Variants in CDH19 observed in about 807,000 individuals in gnomAD.
The protein encoded by CDH19 is cadherin 19.
Under a neutral mutation model 64.2 loss-of-function variants are expected in CDH19, and 67 were observed. That is an observed-to-expected ratio of 1.04 (90% CI 0.86 to 1.28). The LOEUF is 1.28. CDH19 is among the 50% of genes most tolerant of loss of function. CDH19 has a pLI of 0.00. For synonymous variants in CDH19, 346 were observed against 319.3 expected (o/e 1.08, Z -0.89); for missense variants, 1,030 against 929.0 (o/e 1.11, Z -1.41).
intron 3 of CDH19, among the ~76,000 whole-genome samples, chr18:66,557,908 G>A (rs1987578194): frequency 6.6e-6 from 1 of 151,658 alleles, no homozygotes; most frequent in South Asian, 2.1e-4. Context: ...TCATGAAGGG[G>A]TTCCCTATAT....
chr18:66,510,840 C>A (rs985872877), intron 10 of CDH19, among the ~76,000 whole-genome samples: 1 of 151,490 alleles, frequency 6.6e-6, no homozygotes, highest in Non-Finnish European at 1.5e-5. Context: ...CAAAGCTTAA[C>A]CTCAGCTGTA....
In CDH19 at chr18:66,572,276, T is replaced by G; in HGVS notation, c.-72A>C. On this transcript the variant is annotated 5_prime_UTR_variant, in exon 2 of 12. Transcript: ENST00000262150. ...GACGTCACTAACAAAAATCTTGCTT[T>G]CTTTTATAATCTTTTCTGATTCTGT... 2 of 1,157,602 alleles carry G rather than the reference T, an allele frequency of 1.7e-6. No homozygotes were observed. The highest frequency in any genetic ancestry group is 4.8e-5 in the East Asian group (2 of 41,378). 71.7% of individuals were successfully genotyped at this position (1,157,602 alleles called of 1,614,324 possible). A position where few individuals can be genotyped will look rare whatever the true frequency, so the allele number is the denominator to read the frequency against.
chr18:66,539,775 C>T (rs1291051265), intron 7 of CDH19, among the ~76,000 whole-genome samples: 1 of 150,812 alleles, frequency 6.6e-6, no homozygotes, highest in African/African-American at 2.5e-5. Flanking sequence ...TTTACTGGAA[C>T]TGCTCTTTTT....
intron 7 of CDH19, among the ~76,000 whole-genome samples, chr18:66,535,943 A>T (rs1253269999): frequency 6.8e-6 from 1 of 146,646 alleles, no homozygotes; most frequent in Non-Finnish European, 1.5e-5. Flanking sequence ...ATATATACAC[A>T]CATATAAAAC....
intron 1 of CDH19, among the ~76,000 whole-genome samples, chr18:66,574,987 G>C (rs1798903314): frequency 6.6e-6 from 1 of 151,796 alleles, no homozygotes; most frequent in African/African-American, 2.4e-5. Flanking sequence ...AAACTGAGCT[G>C]TCAGGTATTG....
chr18:66,560,637 T>C (rs754740922), intron 3 of CDH19, among the ~76,000 whole-genome samples: 6 of 152,048 alleles, frequency 3.9e-5, no homozygotes, highest in Non-Finnish European at 8.8e-5. Context: ...TTGATATTTT[T>C]CTCAAAGCCC....
At chr18:66,585,345 T>C (rs1056765428) in intron 1 of CDH19, among the ~76,000 whole-genome samples, 6 of 152,066 alleles carry the variant, frequency 3.9e-5, no homozygotes, top group South Asian at 4.1e-4. Flanking sequence ...TAGTTTGAGA[T>C]GGAATGTTCT....
intron 9 of CDH19, among the ~76,000 whole-genome samples, chr18:66,527,567 C>CA: frequency 6.6e-6 from 1 of 151,872 alleles, no homozygotes. Context: ...CCCAACATGG[C>CA]AAAAACCCAT....
intron 9 of CDH19, among the ~76,000 whole-genome samples, chr18:66,517,762 T>C (rs1985800250): frequency 6.6e-6 from 1 of 152,026 alleles, no homozygotes. Context: ...AAAATATGTA[T>C]AAAATATTTA....
chr18:66,554,265 T>A, intron 4 of CDH19, 140 bp downstream of exon 4: 1 of 735,218 alleles, frequency 1.4e-6, no homozygotes, highest in Non-Finnish European at 2.1e-6. Context: ...CTAAAAGTAA[T>A]TAAATGCTTA....
rs112649233 is a variant in CDH19 at position 66,554,451 on chromosome 18, G to A, written c.564C>T (p.Tyr188=). ...PSSGNNARLL[Y]SLLQGQPYFS... is the part of the protein sequence containing the mutation. ...AATATGGCTGGCCTTGAAGTAAGCT[G>A]TAGAGGAGACGAGCATTATTACCAC... The change falls in exon 4 of 12, where the codon TAC becomes TAT. Residue 188 remains tyrosine, a synonymous_variant. Transcript: ENST00000262150. The A allele has an allele frequency of 1.5e-3, 2,427 of 1,611,752 alleles. 18 individuals are homozygous for A. In the African/African-American group the frequency reaches 0.027, roughly 18 times the overall value.
At chr18:66,565,381 C>T (rs745921893) in intron 3 of CDH19, among the ~76,000 whole-genome samples, 1 of 151,860 alleles carries the variant, frequency 6.6e-6, no homozygotes, top group Non-Finnish European at 1.5e-5. Context: ...GTAATTCAAA[C>T]CAAATTCTGA....
At chr18:66,602,857 A>C (rs1395593864) in intron 1 of CDH19, among the ~76,000 whole-genome samples, 1 of 151,794 alleles carries the variant, frequency 6.6e-6, no homozygotes, top group Non-Finnish European at 1.5e-5. Context: ...ATAAATGTTC[A>C]CATTACATTG....
chr18:66,503,851 C>T lies in CDH19; in HGVS notation c.*961G>A, dbSNP rs1034630709. The T allele has an allele frequency of 6.6e-6, 1 of 151,872 alleles. No individual in the cohort carries two copies. The highest frequency in any genetic ancestry group is 2.4e-5 in the African/African-American group (1 of 41,422). The allele number at this position is 151,872 out of a possible 1,614,324, so 9.4% of individuals were successfully genotyped here. A position where few individuals can be genotyped will look rare whatever the true frequency, so the allele number is the denominator to read the frequency against. The stretch of plus-strand genomic sequence containing the variant: ...TTTAAAATATCAAACTAGAATGAAT[C>T]ATGGCATCTTAGTCAGAAATCTGCT... On this transcript the variant is annotated 3_prime_UTR_variant, in exon 12 of 12. Coordinates refer to ENST00000262150, the MANE Select transcript of CDH19 (RefSeq NM_021153.4).
At chr18:66,601,666 T>G (rs533561155) in intron 1 of CDH19, among the ~76,000 whole-genome samples, 1 of 152,110 alleles carries the variant, frequency 6.6e-6, no homozygotes. Flanking sequence ...TTCTAGAGTA[T>G]GTTTTAAATT....
chr18:66,513,621 TTTCA>T (rs1985597701), intron 9 of CDH19, among the ~76,000 whole-genome samples: 1 of 151,574 alleles, frequency 6.6e-6, no homozygotes, highest in African/African-American at 2.4e-5. Context: ...ATGGAAAGGT[TTTCA>T]TTTTCATTTT....
rs1423963753 is a variant in CDH19, at chr18:66,503,747, A to C, written c.*1065T>G. On this transcript the variant is annotated 3_prime_UTR_variant, in exon 12 of 12. Transcript: ENST00000262150. ...ATCAAAAATAATACAAATTTATACT[A>C]TATAACTCTGATTAATTTGTATACA... 1.3e-5 allele frequency: 2 copies of C among 151,962 alleles called. No homozygotes were observed. Among genetic ancestry groups the C allele is most frequent in the African/African-American group, 4.8e-5 (2 of 41,440 alleles). 9.4% of individuals were successfully genotyped at this position (151,962 alleles called of 1,614,324 possible). A position where few individuals can be genotyped will look rare whatever the true frequency, so the allele number is the denominator to read the frequency against.
At chr18:66,534,821 A>G (rs1250219054) in intron 8 of CDH19, among the ~76,000 whole-genome samples, 165 bp downstream of exon 8, 1 of 151,980 alleles carries the variant, frequency 6.6e-6, no homozygotes, top group East Asian at 1.9e-4. Context: ...AGTGGTAAGC[A>G]TATAAATAAA....
intron 3 of CDH19, among the ~76,000 whole-genome samples, chr18:66,564,165 A>C (rs1053993950): frequency 1.3e-5 from 2 of 151,918 alleles, no homozygotes; most frequent in Non-Finnish European, 2.9e-5. Context: ...TTTCTATAAA[A>C]GCTCTCCTTT....
Sources: allele counts gnomAD v4.1 joint callset (sites outside exome capture counted in the v4.1 genomes callset), GRCh38; gene constraint gnomAD v4.1.1; transcripts MANE v1.5; gene names NCBI Gene and HGNC (gene_info 2026-07-23, HGNC 2026-07-21).